WNT9B: variants seen among roughly 807,000 people sequenced by gnomAD.
WNT9B encodes protein Wnt-9b.
In WNT9B, 12 loss-of-function variants were observed where a neutral mutation model predicts 30.2. The ratio of observed to expected loss-of-function variants is 0.40; its 90% CI spans 0.26 to 0.64. The LOEUF (loss-of-function observed/expected upper bound fraction) is 0.64. Among genes scored for constraint, WNT9B ranks in the 30% least tolerant of loss-of-function variants. WNT9B has a pLI of 0.42. For synonymous variants in WNT9B, 218 were observed against 216.9 expected (o/e 1.01, Z -0.05); for missense variants, 442 against 485.2 (o/e 0.91, Z 0.84).
Position 46,875,120 on chromosome 17 carries a change from C to G in WNT9B, c.354C>G (p.Phe118Leu). 6.2e-7 allele frequency: 1 copy of G among 1,613,886 alleles called. No homozygotes were observed. The highest frequency in any genetic ancestry group is 8.5e-7 in the Non-Finnish European group (1 of 1,180,038). Residue 118 changes from phenylalanine to leucine, a missense_variant, in exon 3 of 4, where the codon TTC becomes TTG. Transcript: ENST00000290015. ...ATCCAGGCTTCAAAGAGACAGCTTTCCTGTACGCGGTGTCCTCTGCCGCCC... is the reference window on the plus strand; with the variant it reads ...ATCCAGGCTTCAAAGAGACAGCTTTGCTGTACGCGGTGTCCTCTGCCGCCC... ...LLKRGFKETA[F>L]LYAVSSAALT...
intron 1 of WNT9B, among the ~76,000 whole-genome samples, chr17:46,870,323 C>T (rs766079121): frequency 2.6e-5 from 4 of 152,222 alleles, no homozygotes; most frequent in African/African-American, 9.6e-5. Flanking sequence ...CCAGTCAAGG[C>T]GTGGCCTCCT....
At chr17:46,875,563 C>T (rs1324559922) in intron 3 of WNT9B, among the ~76,000 whole-genome samples, 197 bp downstream of exon 3, 2 of 152,234 alleles carry the variant, frequency 1.3e-5, no homozygotes, top group African/African-American at 2.4e-5. Context: ...GCCAGGAACA[C>T]AGCGGAAGCA....
At chr17:46,837,937 T>G (rs556533974) in intron 1 of WNT9B, among the ~76,000 whole-genome samples, 57 of 152,150 alleles carry the variant, frequency 3.7e-4, no homozygotes, top group Non-Finnish European at 7.5e-4. Flanking sequence ...TCTTTCTAAA[T>G]CACTCAGAGG....
At position 46,875,489 on chromosome 17, in the gene WNT9B, G is replaced by A. The variant is rs908515768; in HGVS notation, c.600+123G>A. On this transcript the variant is annotated intron_variant, in intron 3 of 3. Transcript: ENST00000290015. ...ATGAAGAGCCGTGAACTTCATAAAG[G>A]CAGGATGAACTTCACGTCTTCAACC... The A allele has an allele frequency of 8.2e-5, 109 of 1,334,844 alleles. No homozygotes were observed. The African/African-American group carries it at 1.5e-3, about 18-fold the overall frequency. The allele number at this position is 1,334,844 out of a possible 1,614,324, so 82.7% of individuals were successfully genotyped here.
chr17:46,851,640 TGCGCCCCCCGCCC>T lies in WNT9B; in HGVS notation c.7_19del (p.Pro3_?7). The T allele has an allele frequency of 1.6e-6, 2 of 1,272,676 alleles. No individual in the cohort carries two copies. The highest frequency in any genetic ancestry group is 2.0e-6 in the Non-Finnish European group (2 of 1,013,834). 78.8% of individuals were successfully genotyped at this position (1,272,676 alleles called of 1,614,324 possible). The stretch of plus-strand genomic sequence containing the variant: ...AGAGGGCGCAGCGCCGCCAGCACCA[TGCGCCCCCCGCCC>T]GCGCTGGCCCTGGCCGGGCTCTGCC... On this transcript the variant is annotated frameshift_variant and start_lost, in exon 1 of 4. Coordinates refer to ENST00000290015, the MANE Select transcript of WNT9B (RefSeq NM_003396.3). LOFTEE classifies it high-confidence loss of function. The surrounding 1 kb of genome is among the most constrained non-coding windows in gnomAD (Gnocchi z 4.3).
chr17:46,836,063 G>A (rs2084625500), intron 1 of WNT9B, among the ~76,000 whole-genome samples: 1 of 149,696 alleles, frequency 6.7e-6, no homozygotes, highest in African/African-American at 2.5e-5. Flanking sequence ...ACCTGCTGGG[G>A]CTCCCAGGAA....
In WNT9B at chr17:46,851,723, C is replaced by A. The variant is rs2084849208; in HGVS notation, c.77+8C>A. On this transcript the variant is annotated splice_region_variant and intron_variant, in intron 1 of 3. Coordinates refer to ENST00000290015, the MANE Select transcript of WNT9B (RefSeq NM_003396.3). This position sits in a 1 kb window ranked among gnomAD's most constrained non-coding sequence, Gnocchi z 4.3. ...CGCCGCCTCCTACTTCGGGTCAGTG[C>A]CCGCCGCGCCCCCCGCCCGCTCCCC... 2.4e-6 allele frequency: 3 copies of A among 1,274,962 alleles called. No homozygotes were observed. Among genetic ancestry groups the A allele is most frequent in the Admixed American group, 4.1e-5 (1 of 24,148 alleles). The allele number at this position is 1,274,962 out of a possible 1,614,324, so 79.0% of individuals were successfully genotyped here.
chr17:46,849,979 C>G (rs1042837587), upstream of WNT9B, among the ~76,000 whole-genome samples: 1 of 152,094 alleles, frequency 6.6e-6, no homozygotes, highest in Non-Finnish European at 1.5e-5. Context: ...TCCTGAGTAG[C>G]TGGGATTACA....
chr17:46,877,279 G>A lies in WNT9B; in HGVS notation c.*561G>A, dbSNP rs2085360849. Reference sequence around the variant, plus strand: ...TTGCTGTGCCAGAGATGGGGAGAAAGCACAGGTGGTAGAAGCCATCCGTTC... The same window carrying A: ...TTGCTGTGCCAGAGATGGGGAGAAAACACAGGTGGTAGAAGCCATCCGTTC... On this transcript the variant is annotated 3_prime_UTR_variant, in exon 4 of 4. Transcript: ENST00000290015. Among the ~76,000 whole-genome samples the A allele has an allele frequency of 6.6e-6, 1 of 152,254 alleles. No individual in the cohort carries two copies. The highest frequency in any genetic ancestry group is 1.5e-5 in the Non-Finnish European group (1 of 68,044).
At chr17:46,861,993 A>C (rs1177906639) in intron 1 of WNT9B, among the ~76,000 whole-genome samples, 2 of 152,006 alleles carry the variant, frequency 1.3e-5, no homozygotes, top group African/African-American at 2.4e-5. Context: ...GTGAAACCCC[A>C]TCTCTACTAA....
In WNT9B at chr17:46,879,609, A is replaced by G. The variant is rs1352048103; in HGVS notation, c.*2891A>G. ...GGGGCCACATTACTGTGGCCATTTT[A>G]TAGATGAGGTCCAGAGATGGAGAGC... On this transcript the variant is annotated 3_prime_UTR_variant, in exon 4 of 4. Coordinates refer to ENST00000290015, the MANE Select transcript of WNT9B (RefSeq NM_003396.3). Among the ~76,000 whole-genome samples the G allele has an allele frequency of 2.6e-5, 4 of 152,334 alleles. No homozygotes were observed. The East Asian group carries it at 5.8e-4, about 22-fold the overall frequency.
Position 46,851,695 on chromosome 17 carries a change from C to A in WNT9B, c.57C>A (p.Ala19=), listed in dbSNP as rs1350314683. The change falls in exon 1 of 4, where the codon GCC becomes GCA. Residue 19 remains alanine (A), a synonymous_variant. Coordinates refer to ENST00000290015, the MANE Select transcript of WNT9B (RefSeq NM_003396.3). This position sits in a 1 kb window ranked among gnomAD's most constrained non-coding sequence, Gnocchi z 4.3. ...LAGLCLLALP[A]AAASYFGLTG... The stretch of plus-strand genomic sequence containing the variant: ...GGCTCTGCCTGCTGGCGCTGCCCGC[C>A]GCCGCCGCCTCCTACTTCGGGTCAG... The A allele has an allele frequency of 2.3e-6, 3 of 1,309,970 alleles. No homozygotes were observed. The highest frequency in any genetic ancestry group is 3.1e-5 in the African/African-American group (2 of 64,712). 81.1% of individuals were successfully genotyped at this position (1,309,970 alleles called of 1,614,324 possible).
chr17:46,840,211 C>G (rs568854807), intron 1 of WNT9B, among the ~76,000 whole-genome samples: 3 of 151,784 alleles, frequency 2.0e-5, no homozygotes, highest in Non-Finnish European at 2.9e-5. Context: ...CTTAGCCTCC[C>G]GAGTAGCTGG....
intron 2 of WNT9B, 68 bp downstream of exon 2, chr17:46,872,841 G>A: frequency 1.3e-6 from 2 of 1,489,836 alleles, no homozygotes; most frequent in Non-Finnish European, 1.8e-6. Context: ...GAGGCTGGGA[G>A]AGGCTGCCCT....
downstream of WNT9B, among the ~76,000 whole-genome samples, chr17:46,882,577 A>G (rs2085437502): frequency 6.6e-6 from 1 of 152,064 alleles, no homozygotes; most frequent in Non-Finnish European, 1.5e-5. Context: ...CTGGGATTAC[A>G]GGCTCACCCA....
chr17:46,851,764 C>A lies in WNT9B; in HGVS notation c.77+49C>A. 2.0e-6 allele frequency: 2 copies of A among 995,096 alleles called. No homozygotes were observed. Among genetic ancestry groups the A allele is most frequent in the Non-Finnish European group, 2.6e-6 (2 of 764,166 alleles). 61.6% of individuals were successfully genotyped at this position (995,096 alleles called of 1,614,324 possible). A position where few individuals can be genotyped will look rare whatever the true frequency, so the allele number is the denominator to read the frequency against. ...CCCGCTCCCCGGCCTGCCTGTCTCT[C>A]CCTCCTGCGCTACAGCTGGGCCAAT... On this transcript the variant is annotated intron_variant, in intron 1 of 3. Transcript: ENST00000290015. The surrounding 1 kb of genome is among the most constrained non-coding windows in gnomAD (Gnocchi z 4.3).
intron 1 of WNT9B, among the ~76,000 whole-genome samples, chr17:46,833,813 G>C (rs761991087): frequency 2.0e-5 from 3 of 152,284 alleles, no homozygotes; most frequent in Non-Finnish European, 4.4e-5. Flanking sequence ...CGGGAGGCTT[G>C]CTTTTCCTTC....
downstream of WNT9B, among the ~76,000 whole-genome samples, chr17:46,884,679 C>T (rs147748470): frequency 2.0e-5 from 3 of 152,294 alleles, no homozygotes; most frequent in East Asian, 1.9e-4. Flanking sequence ...CTTATGACAA[C>T]GCTCCAAGTT....
chr17:46,846,913 G>C (rs1203918107), upstream of WNT9B, among the ~76,000 whole-genome samples: 1 of 152,176 alleles, frequency 6.6e-6, no homozygotes, highest in Non-Finnish European at 1.5e-5. Context: ...CAGAAGGACA[G>C]ATGAGTGAAG....
Sources: allele counts gnomAD v4.1 joint callset (sites outside exome capture counted in the v4.1 genomes callset), GRCh38; gene constraint gnomAD v4.1.1; non-coding constraint Gnocchi (gnomAD v3.1); transcripts MANE v1.5; gene names NCBI Gene and HGNC (gene_info 2026-07-23, HGNC 2026-07-21).